ZBTB34: variants seen among roughly 807,000 people sequenced by gnomAD.
ZBTB34 encodes the protein zinc finger and BTB domain-containing protein 34.
Under a neutral mutation model 33.4 loss-of-function variants are expected in ZBTB34, and 1 was observed. That is an observed-to-expected ratio of 0.03 (90% CI 0.01 to 0.14). The LOEUF (loss-of-function observed/expected upper bound fraction) is 0.14. ZBTB34 is among the 10% of genes least tolerant of loss of function. The pLI is 1.00. For missense variants in ZBTB34, 406 were observed against 657.2 expected, an observed-to-expected ratio of 0.62 and a Z score of 4.18; for synonymous variants, 283 against 253.5, an observed-to-expected ratio of 1.12 and a Z score of -1.11.
Position 126,879,845 on chromosome 9 carries a change from C to T in ZBTB34, c.446C>T (p.Pro149Leu). The change falls in exon 2 of 2, where the codon CCC (proline) becomes CTC (leucine). Residue 149 changes from proline to leucine, a missense_variant. This residue lies in a region of ZBTB34 where 137 missense variants were observed against 173.0 expected (regional missense o/e 0.79). Coordinates refer to ENST00000319119, the Ensembl canonical transcript of ZBTB34. This position sits in a 1 kb window ranked among gnomAD's most constrained non-coding sequence, Gnocchi z 6.4. ...GTTACCGTCGGTGCTGAAGAGAATC[C>T]CGAGAGTCGAAACGGAGTGAAAGAC... 3 of 1,613,048 alleles carry T rather than the reference C, an allele frequency of 1.9e-6. No individual in the cohort carries two copies. The highest frequency in any genetic ancestry group is 2.5e-6 in the Non-Finnish European group (3 of 1,179,858).
Position 126,872,965 on chromosome 9 carries a change from T to A in ZBTB34, c.-10-6425T>A, listed in dbSNP as rs142801340. On this transcript the variant is annotated intron_variant, in intron 1 of 1. Coordinates refer to ENST00000319119, the Ensembl canonical transcript of ZBTB34. ...TCTCCACCTTTCTTCTGAGAAGTAG[T>A]TAAGGAAAAAACAGGAGGGGGAAGC... is the stretch of plus-strand genomic sequence containing the variant. 6.3e-3 allele frequency among the ~76,000 whole-genome samples: 955 copies of A among 152,176 alleles called. 37 individuals are homozygous for A. The East Asian group carries it at 0.1, about 16-fold the overall frequency.
intron 1 of ZBTB34, among the ~76,000 whole-genome samples, chr9:126,875,800 T>G (rs1194111680): frequency 6.6e-6 from 1 of 152,142 alleles, no homozygotes; most frequent in East Asian, 1.9e-4. Flanking sequence ...TTACTTTGGC[T>G]AGAAGTTCTG....
intron 1 of ZBTB34, among the ~76,000 whole-genome samples, chr9:126,867,095 A>G (rs2033213056): frequency 6.9e-6 from 1 of 144,846 alleles, no homozygotes; most frequent in Admixed American, 6.9e-5. Flanking sequence ...TGTTGATTAT[A>G]TTTTTTGAAA....
At chr9:126,878,595 A>G (rs1385701211) in intron 1 of ZBTB34, among the ~76,000 whole-genome samples, 1 of 152,174 alleles carries the variant, frequency 6.6e-6, no homozygotes, top group Non-Finnish European at 1.5e-5. Flanking sequence ...CACACAAATC[A>G]AGACAATAAT....
chr9:126,874,153 T>C (rs1283966925), intron 1 of ZBTB34, among the ~76,000 whole-genome samples: 1 of 146,904 alleles, frequency 6.8e-6, no homozygotes, highest in African/African-American at 2.5e-5. Flanking sequence ...GCCAGTCTCC[T>C]GCCTCAGCCT....
chr9:126,867,509 G>A (rs1276757160), intron 1 of ZBTB34, among the ~76,000 whole-genome samples: 5 of 70,406 alleles, frequency 7.1e-5, no homozygotes, highest in African/African-American at 2.8e-4. Context: ...GGTTTTTTTT[G>A]TGTATGTCAC....
At chr9:126,876,999 G>A (rs769739370) in intron 1 of ZBTB34, among the ~76,000 whole-genome samples, 7 of 151,998 alleles carry the variant, frequency 4.6e-5, no homozygotes, top group South Asian at 2.1e-4. Context: ...TAAAAATTCC[G>A]TCTGTGATTA....
chr9:126,865,621 C>T (rs2033190364), intron 1 of ZBTB34, among the ~76,000 whole-genome samples: 1 of 152,130 alleles, frequency 6.6e-6, no homozygotes, highest in Non-Finnish European at 1.5e-5. Flanking sequence ...GAGAGGATGT[C>T]ATTAGTTTTC....
Position 126,869,511 on chromosome 9 carries a change from T to C in ZBTB34, c.-11+8772T>C, listed in dbSNP as rs142483688. On this transcript the variant is annotated intron_variant, in intron 1 of 1. Coordinates refer to ENST00000319119, the Ensembl canonical transcript of ZBTB34. Reference sequence around the variant, plus strand: ...GATGATGACGGTGGTGGAGTGACTCTGCCAAGTAGAGGGGGAGGCTGAGGG... The same window carrying C: ...GATGATGACGGTGGTGGAGTGACTCCGCCAAGTAGAGGGGGAGGCTGAGGG... Among the ~76,000 whole-genome samples the C allele has an allele frequency of 7.4e-3, 1,124 of 152,268 alleles. 11 individuals carry two copies. The highest frequency in any genetic ancestry group is 0.012 in the Non-Finnish European group (810 of 68,026).
chr9:126,881,770 C>T (rs1358838422), exon 2 of ZBTB34: 2 of 166,904 alleles, frequency 1.2e-5, no homozygotes, highest in Non-Finnish European at 2.9e-5. Context: ...TTAGCCAACC[C>T]CAAAGGAGCA....
intron 1 of ZBTB34, among the ~76,000 whole-genome samples, chr9:126,870,376 G>A (rs1354638561): frequency 6.6e-6 from 1 of 152,200 alleles, no homozygotes; most frequent in East Asian, 1.9e-4. Context: ...CTGTATGTAA[G>A]AGATTGATAT....
Position 126,873,643 on chromosome 9 carries a change from C to T in ZBTB34, c.-10-5747C>T, listed in dbSNP as rs190034040. On this transcript the variant is annotated intron_variant, in intron 1 of 1. Transcript: ENST00000319119. Reference sequence around the variant, plus strand: ...TTTTTGAGACGGAGTCTTGCTCTGTCGCCCAGGCTGGAGTGCAATGGTGCG... The same window carrying T: ...TTTTTGAGACGGAGTCTTGCTCTGTTGCCCAGGCTGGAGTGCAATGGTGCG... Among the ~76,000 whole-genome samples, 232 of 152,068 alleles carry T rather than the reference C, an allele frequency of 1.5e-3. 3 individuals are homozygous for T. Among genetic ancestry groups the T allele is most frequent in the Non-Finnish European group, 2.4e-3 (166 of 67,990 alleles).
At position 126,879,596 on chromosome 9, in the gene ZBTB34, C is replaced by G; in HGVS notation, c.197C>G (p.Ala66Gly). The G allele has an allele frequency of 1.2e-6, 2 of 1,613,898 alleles. No individual in the cohort carries two copies. Among genetic ancestry groups the G allele is most frequent in the Non-Finnish European group, 1.7e-6 (2 of 1,179,888 alleles). ...TCCCCATATTTCCGGGACCATTCAG[C>G]GTTAAGTACCATGAGTGGCTTGTCA... The change falls in exon 2 of 2, where the codon GCG becomes GGG. Residue 66 changes from alanine (A) to glycine (G), a missense_variant. Coordinates refer to ENST00000319119, the Ensembl canonical transcript of ZBTB34. This position sits in a 1 kb window ranked among gnomAD's most constrained non-coding sequence, Gnocchi z 6.4.
intron 1 of ZBTB34, among the ~76,000 whole-genome samples, chr9:126,869,398 G>A (rs930143056): frequency 1.3e-5 from 2 of 152,092 alleles, no homozygotes; most frequent in African/African-American, 4.8e-5. Flanking sequence ...TAAGGGGCAG[G>A]TTGGGAGGAT....
chr9:126,879,952 C>T lies in ZBTB34; in HGVS notation c.553C>T (p.Arg185Trp), dbSNP rs753917211. The T allele has an allele frequency of 4.3e-6, 7 of 1,613,298 alleles. No individual in the cohort carries two copies. The highest frequency in any genetic ancestry group is 5.1e-6 in the Non-Finnish European group (6 of 1,179,888). Reference sequence around the variant, plus strand: ...GCAGCCCACCGCAAGCAGTGACCTCCGGATGGAGACGACCCCCAGCAAAGC... The same window carrying T: ...GCAGCCCACCGCAAGCAGTGACCTCTGGATGGAGACGACCCCCAGCAAAGC... Residue 185 changes from arginine (R) to tryptophan (W), a missense_variant, in exon 2 of 2, where the codon CGG becomes TGG. Coordinates refer to ENST00000319119, the Ensembl canonical transcript of ZBTB34. This position sits in a 1 kb window ranked among gnomAD's most constrained non-coding sequence, Gnocchi z 6.4.
chr9:126,870,781 G>A (rs1421148682), intron 1 of ZBTB34, among the ~76,000 whole-genome samples: 1 of 152,058 alleles, frequency 6.6e-6, no homozygotes, highest in Non-Finnish European at 1.5e-5. Flanking sequence ...ACAAAAATTA[G>A]CCAAGCGTGG....
intron 1 of ZBTB34, among the ~76,000 whole-genome samples, chr9:126,862,362 G>C (rs972951345): frequency 1.3e-5 from 2 of 152,168 alleles, no homozygotes; most frequent in East Asian, 1.9e-4. Context: ...GAGGCCAGGA[G>C]ATCAGTTAAG....
chr9:126,873,357 G>A (rs2033306658), intron 1 of ZBTB34, among the ~76,000 whole-genome samples: 1 of 152,112 alleles, frequency 6.6e-6, no homozygotes, highest in Non-Finnish European at 1.5e-5. Context: ...TTGACCTCCA[G>A]GACTCAAGCC....
intron 1 of ZBTB34, among the ~76,000 whole-genome samples, chr9:126,873,975 G>A (rs575426955): frequency 8.6e-5 from 13 of 151,276 alleles, no homozygotes; most frequent in East Asian, 1.9e-4. Context: ...ATACATAGTC[G>A]CGTTTTTCAG....
Sources: allele counts gnomAD v4.1 joint callset (sites outside exome capture counted in the v4.1 genomes callset), GRCh38; gene constraint gnomAD v4.1.1; regional missense constraint gnomAD v4.1.1; non-coding constraint Gnocchi (gnomAD v3.1); transcripts MANE v1.5; gene names NCBI Gene and HGNC (gene_info 2026-07-23, HGNC 2026-07-21).